PDE4B: variants seen among roughly 807,000 people sequenced by gnomAD.
PDE4B encodes phosphodiesterase 4B.
PDE4B carries 20 observed loss-of-function variants against 82.2 expected under a neutral mutation model. That is an observed-to-expected ratio of 0.24 (90% confidence interval 0.17 to 0.35). The LOEUF (loss-of-function observed/expected upper bound fraction) is 0.35, where lower values mean the gene tolerates loss of function less well. PDE4B is among the 10% of genes least tolerant of loss of function. The pLI is 1.00. For missense variants in PDE4B, 655 were observed against 907.2 expected (o/e 0.72, Z 3.57); for synonymous variants, 320 against 318.9 (o/e 1.00, Z -0.04).
intron 3 of PDE4B, among the ~76,000 whole-genome samples, chr1:66,044,296 A>G (rs1011906621): frequency 2.6e-5 from 4 of 151,720 alleles, no homozygotes; most frequent in Admixed American, 2.0e-4. Context: ...AGTGGGTTGA[A>G]CCATTCTTAA....
At position 66,318,244 on chromosome 1, in the gene PDE4B, C is replaced by T. The variant is rs961889686; in HGVS notation, c.635-14264C>T. ...TAACTTTGGGCAGATTATGTAACCT[C>T]TCTGAGCCTCAGTTTACTCATCTAT... On this transcript the variant is annotated intron_variant, in intron 7 of 16. Transcript: ENST00000341517. Among the ~76,000 whole-genome samples the T allele has an allele frequency of 2.0e-5, 3 of 152,172 alleles. No homozygotes were observed. The East Asian group carries it at 5.8e-4, about 29-fold the overall frequency.
chr1:66,207,257 T>G (rs573240544), intron 3 of PDE4B, among the ~76,000 whole-genome samples: 1 of 152,336 alleles, frequency 6.6e-6, no homozygotes, highest in Admixed American at 6.5e-5. Context: ...ACAAATCATA[T>G]GTAAATTTAT....
In PDE4B at chr1:65,913,311, T is replaced by C; in HGVS notation, c.-4T>C. 1 of 1,613,444 alleles carries C rather than the reference T, an allele frequency of 6.2e-7. No individual in the cohort carries two copies. The highest frequency in any genetic ancestry group is 8.5e-7 in the Non-Finnish European group (1 of 1,179,428). On this transcript the variant is annotated 5_prime_UTR_variant, in exon 2 of 17. Transcript: ENST00000341517. ...CCTAAGAGGGGATATTTTCCACCTCTATAATGAAGAAAAGCAGGAGTGTGA... is the reference window on the plus strand; with the variant it reads ...CCTAAGAGGGGATATTTTCCACCTCCATAATGAAGAAAAGCAGGAGTGTGA...
rs1425775353 is a variant in PDE4B at position 65,888,262 on chromosome 1, A to G, written c.-70-24983A>G. Among the ~76,000 whole-genome samples the G allele has an allele frequency of 3.3e-5, 5 of 152,124 alleles. 1 individual carries two copies. In the South Asian group the frequency reaches 1.0e-3, roughly 31 times the overall value. ...TGTCAAAAATCCTTTGGTTGAAAAT[A>G]CGTGAATTTATTTCTGGGTTTGCTA... is the stretch of plus-strand genomic sequence containing the variant. On this transcript the variant is annotated intron_variant, in intron 1 of 16. Coordinates refer to ENST00000341517, the MANE Select transcript of PDE4B (RefSeq NM_002600.4).
intron 8 of PDE4B, among the ~76,000 whole-genome samples, chr1:66,353,687 G>A (rs1053211346): frequency 1.3e-5 from 2 of 152,102 alleles, no homozygotes; most frequent in Non-Finnish European, 2.9e-5. Flanking sequence ...GTGCTTTAAC[G>A]CTGACAAGGA....
intron 3 of PDE4B, among the ~76,000 whole-genome samples, chr1:66,105,058 T>G (rs1366486726): frequency 6.6e-6 from 1 of 152,202 alleles, no homozygotes; most frequent in Non-Finnish European, 1.5e-5. Context: ...TCTTCTAGGA[T>G]TTTTATGGTT....
At chr1:66,233,929 G>T (rs1485119985) in intron 3 of PDE4B, among the ~76,000 whole-genome samples, 4 of 152,082 alleles carry the variant, frequency 2.6e-5, no homozygotes, top group Middle Eastern at 6.8e-3. Context: ...ATATAATTTT[G>T]TTAAGAATTG....
chr1:65,905,523 T>G (rs1238626904), intron 1 of PDE4B, among the ~76,000 whole-genome samples: 2 of 152,136 alleles, frequency 1.3e-5, no homozygotes, highest in East Asian at 3.8e-4. Context: ...GTATGATTAA[T>G]CTTCATATTA....
At chr1:65,959,417 A>C (rs1649434365) in intron 3 of PDE4B, among the ~76,000 whole-genome samples, 1 of 152,130 alleles carries the variant, frequency 6.6e-6, no homozygotes, top group African/African-American at 2.4e-5. Context: ...ATAAAGGATA[A>C]AGAACCCACA....
chr1:66,318,640 A>T (rs1292163562), intron 7 of PDE4B, among the ~76,000 whole-genome samples: 1 of 152,232 alleles, frequency 6.6e-6, no homozygotes, highest in East Asian at 1.9e-4. Flanking sequence ...TAGAAATATA[A>T]TAAACACTCT....
intron 3 of PDE4B, among the ~76,000 whole-genome samples, chr1:66,209,978 A>G (rs12024035): frequency 6.6e-6 from 1 of 152,116 alleles, no homozygotes; most frequent in African/African-American, 2.4e-5. Context: ...TAAAGCTGCT[A>G]TGAGCGTTCG....
At chr1:66,106,055 A>G (rs1213725264) in intron 3 of PDE4B, among the ~76,000 whole-genome samples, 2 of 151,938 alleles carry the variant, frequency 1.3e-5, no homozygotes, top group Non-Finnish European at 2.9e-5. Context: ...GTGCCCATTC[A>G]GTATGATATT....
chr1:66,134,066 A>G (rs1646006337), intron 3 of PDE4B, among the ~76,000 whole-genome samples: 2 of 151,778 alleles, frequency 1.3e-5, no homozygotes, highest in African/African-American at 4.8e-5. Flanking sequence ...AAGACTTCTA[A>G]GGCTGCCCTT....
At chr1:66,175,438 C>T (rs1201108927) in intron 3 of PDE4B, among the ~76,000 whole-genome samples, 1 of 152,178 alleles carries the variant, frequency 6.6e-6, no homozygotes, top group Non-Finnish European at 1.5e-5. Context: ...GTGCCTGAGA[C>T]CAGGTCCCTG....
chr1:66,232,554 A>G (rs1475263618), intron 3 of PDE4B, among the ~76,000 whole-genome samples: 1 of 152,186 alleles, frequency 6.6e-6, no homozygotes, highest in Non-Finnish European at 1.5e-5. Context: ...GGTGTAGAAA[A>G]AGAAAAGAGC....
rs1328814568 is a variant in PDE4B, at chr1:66,280,478, A to C, written c.634+14391A>C. Among the ~76,000 whole-genome samples, 4 of 152,234 alleles carry C rather than the reference A, an allele frequency of 2.6e-5. No individual in the cohort carries two copies. In the East Asian group the frequency reaches 7.7e-4, roughly 29 times the overall value. ...TTTAAAAGAAGTTAATTTGGACCAG[A>C]AATATCTCAGGGGAGGTAGGAGTGA... On this transcript the variant is annotated intron_variant, in intron 7 of 16. Transcript: ENST00000341517.
At chr1:66,017,779 A>G (rs1415175377) in intron 3 of PDE4B, among the ~76,000 whole-genome samples, 3 of 152,140 alleles carry the variant, frequency 2.0e-5, no homozygotes, top group African/African-American at 7.2e-5. Context: ...GACTACAACT[A>G]TTTGTGAGAT....
chr1:65,875,812 G>GA lies in PDE4B; in HGVS notation c.-70-37432dup, dbSNP rs1473532553. Among the ~76,000 whole-genome samples the GA allele has an allele frequency of 2.3e-4, 24 of 106,444 alleles. 1 individual carries two copies. In the East Asian group the frequency reaches 5.8e-3, roughly 26 times the overall value. The allele number at this position is 106,444 out of a possible 152,430, so 69.8% of individuals were successfully genotyped here. On this transcript the variant is annotated intron_variant, in intron 1 of 16. Transcript: ENST00000341517. The stretch of plus-strand genomic sequence containing the variant: ...TCTGGGGACTGTGGTGGGGTGGGGG[G>GA]AGGGGGGAGGGATAGCATTGGGAGG...
Position 66,172,098 on chromosome 1 carries a change from AC to A in PDE4B, c.282-75359del, listed in dbSNP as rs538870515. 8.5e-5 allele frequency among the ~76,000 whole-genome samples: 13 copies of A among 152,090 alleles called. 1 individual carries two copies. The South Asian group carries it at 2.7e-3, about 32-fold the overall frequency. On this transcript the variant is annotated intron_variant, in intron 3 of 16. Transcript: ENST00000341517. ...ACCTAATGGGTTGTTTTCCAGCTCT[AC>A]CCTTATCCCCTGCTTTTGGAGTCTA...
Sources: allele counts gnomAD v4.1 joint callset (sites outside exome capture counted in the v4.1 genomes callset), GRCh38; gene constraint gnomAD v4.1.1; transcripts MANE v1.5; gene names NCBI Gene and HGNC (gene_info 2026-07-23, HGNC 2026-07-21).